Variants in MYOF observed in about 807,000 individuals in gnomAD.
MYOF encodes myoferlin.
A neutral mutation model predicts 284.2 loss-of-function variants in MYOF; 244 were observed. The observed-to-expected ratio is 0.86, with a 90% CI of 0.77 to 0.95. The LOEUF is 0.95. Ranked by LOEUF, MYOF falls within the 40% of genes least tolerant of loss-of-function variation. MYOF has a pLI of 0.00. For missense variants in MYOF, 2,496 were observed against 2,560.6 expected, an observed-to-expected ratio of 0.97 and a Z score of 0.54; for synonymous variants, 904 against 919.7, an observed-to-expected ratio of 0.98 and a Z score of 0.31.
chr10:93,333,524 G>GC lies in MYOF; in HGVS notation c.4720-213_4720-212insG, dbSNP rs1843440290. The stretch of plus-strand genomic sequence containing the variant: ...GCAGGGGTGGTGGCAGGGGGCGGGG[G>GC]GGAGTCCTGGCTCACACCTGTAAAA... On this transcript the variant is annotated intron_variant, in intron 42 of 53. Coordinates refer to ENST00000359263, the MANE Select transcript of MYOF (RefSeq NM_013451.4). 2.6e-5 allele frequency among the ~76,000 whole-genome samples: 4 copies of GC among 152,014 alleles called. No homozygotes were observed. The South Asian group carries it at 6.2e-4, about 24-fold the overall frequency.
At chr10:93,332,509 C>T (rs1341016072) in intron 43 of MYOF, among the ~76,000 whole-genome samples, 1 of 151,262 alleles carries the variant, frequency 6.6e-6, no homozygotes, top group Non-Finnish European at 1.5e-5. Flanking sequence ...TGTGAGCCAT[C>T]GTGCCTGGCC....
chr10:93,381,537 T>C, intron 19 of MYOF, 141 bp from the exon 20 acceptor site: 1 of 816,932 alleles, frequency 1.2e-6, no homozygotes, highest in Non-Finnish European at 1.9e-6. Flanking sequence ...GACCCAGCTG[T>C]TCCTCTTGCA....
chr10:93,347,640 T>G lies in MYOF; in HGVS notation c.4226A>C (p.Glu1409Ala). ...ACCTTTGAGCTGTGGGACGATGTCC[T>G]CTTTCCCTGCATAAGGGTCACAGCG... ...RFRCDPYAGKEDIVPQLKASL... is the reference protein window; with the variant it reads ...RFRCDPYAGKADIVPQLKASL... Residue 1409 changes from glutamate to alanine, a missense_variant, in exon 37 of 54, where the codon GAG becomes GCG. By Grantham distance (107) the Glu-to-Ala change is moderately radical. Coordinates refer to ENST00000359263, the MANE Select transcript of MYOF (RefSeq NM_013451.4). The G allele has an allele frequency of 2.5e-6, 4 of 1,610,906 alleles. No homozygotes were observed. Among genetic ancestry groups the G allele is most frequent in the Non-Finnish European group, 3.4e-6 (4 of 1,178,518 alleles).
At chr10:93,338,886 C>G (rs1032406454) in intron 39 of MYOF, among the ~76,000 whole-genome samples, 2 of 151,784 alleles carry the variant, frequency 1.3e-5, no homozygotes, top group Non-Finnish European at 2.9e-5. Context: ...ATCAGACCCC[C>G]TCTTTGCTTA....
chr10:93,327,771 T>G (rs942037388), intron 45 of MYOF, among the ~76,000 whole-genome samples: 1 of 152,058 alleles, frequency 6.6e-6, no homozygotes, highest in African/African-American at 2.4e-5. Context: ...GTTTGTTTGT[T>G]TTTTGAGACA....
intron 43 of MYOF, among the ~76,000 whole-genome samples, chr10:93,330,230 G>A (rs1395225656): frequency 4.3e-4 from 66 of 151,996 alleles, no homozygotes; most frequent in Non-Finnish European, 5.9e-5. Flanking sequence ...TGACATGAGT[G>A]CATCGCTCCA....
In MYOF at chr10:93,351,686, T is replaced by C. The variant is rs1844522505; in HGVS notation, c.3642A>G (p.Glu1214=). The C allele has an allele frequency of 6.3e-7, 1 of 1,586,324 alleles. No homozygotes were observed. Among genetic ancestry groups the C allele is most frequent in the East Asian group, 2.2e-5 (1 of 44,654 alleles). Reference sequence around the variant, plus strand: ...CTACCACTTGGTCATTGTCAAAAAGTTCCATGATAACTTTGGGTGGATTCT... The same window carrying C: ...CTACCACTTGGTCATTGTCAAAAAGCTCCATGATAACTTTGGGTGGATTCT... The part of the protein sequence containing the change: ...VLQNPPKVIM[E]LFDNDQVGKD... The change falls in exon 33 of 54, where the codon GAA becomes GAG. Residue 1214 remains glutamate, a synonymous_variant. Transcript: ENST00000359263.
intron 3 of MYOF, among the ~76,000 whole-genome samples, chr10:93,438,045 C>T (rs1170168166): frequency 1.3e-5 from 2 of 152,186 alleles, no homozygotes; most frequent in Non-Finnish European, 2.9e-5. Context: ...CAACCCCCAT[C>T]CGTGAGATCT....
chr10:93,431,103 A>G (rs1323564368), intron 4 of MYOF, among the ~76,000 whole-genome samples: 1 of 143,526 alleles, frequency 7.0e-6, no homozygotes, highest in Non-Finnish European at 1.5e-5. Context: ...ATCTCGGCTC[A>G]CTACAACCTC....
intron 17 of MYOF, among the ~76,000 whole-genome samples, chr10:93,391,891 C>G (rs1221996229): frequency 6.6e-6 from 1 of 152,156 alleles, no homozygotes; most frequent in African/African-American, 2.4e-5. Flanking sequence ...GTTTTAGTTT[C>G]TAGAATCCTA....
At chr10:93,442,562 C>T (rs550939360) in intron 3 of MYOF, among the ~76,000 whole-genome samples, 171 of 152,250 alleles carry the variant, frequency 1.1e-3, no homozygotes, top group African/African-American at 4.0e-3. Flanking sequence ...TTTGTTATCT[C>T]CTTCCTACAA....
At chr10:93,371,733 C>CG (rs1554848282) in intron 24 of MYOF, among the ~76,000 whole-genome samples, 1 of 132,682 alleles carries the variant, frequency 7.5e-6, no homozygotes, top group Non-Finnish European at 1.6e-5. Flanking sequence ...GGCCTTCAAC[C>CG]TTTTTTTTTA....
intron 24 of MYOF, among the ~76,000 whole-genome samples, chr10:93,372,193 A>G (rs572335098): frequency 6.6e-6 from 1 of 152,172 alleles, no homozygotes; most frequent in Non-Finnish European, 1.5e-5. Flanking sequence ...AAAGAACTCC[A>G]GTTGGGGTTG....
rs187839997 is a variant in MYOF at position 93,434,262 on chromosome 10, C to A, written c.237-2746G>T. Among the ~76,000 whole-genome samples, 198 of 152,062 alleles carry A rather than the reference C, an allele frequency of 1.3e-3. 1 individual carries two copies. The highest frequency in any genetic ancestry group is 2.3e-3 in the Non-Finnish European group (159 of 67,992). On this transcript the variant is annotated intron_variant, in intron 3 of 53. Coordinates refer to ENST00000359263, the MANE Select transcript of MYOF (RefSeq NM_013451.4). ...CCTGGCCAACATGGTGAAACCCCGT[C>A]TCTACTACAAATACAACAAATTAGC...
chr10:93,406,570 C>CTG (rs60703429), intron 7 of MYOF, among the ~76,000 whole-genome samples: 5 of 150,226 alleles, frequency 3.3e-5, no homozygotes. Flanking sequence ...TCCTCCCCAC[C>CTG]CATCCAGTCT....
At chr10:93,472,138 G>A (rs2057161790) in intron 1 of MYOF, among the ~76,000 whole-genome samples, 1 of 152,200 alleles carries the variant, frequency 6.6e-6, no homozygotes, top group South Asian at 2.1e-4. Context: ...GACGAGGCCT[G>A]CACTGCAGCA....
intron 44 of MYOF, among the ~76,000 whole-genome samples, 194 bp downstream of exon 44, chr10:93,329,470 C>T (rs1295548386): frequency 6.6e-6 from 1 of 152,228 alleles, no homozygotes; most frequent in Non-Finnish European, 1.5e-5. Context: ...CACCATTTTA[C>T]ACACACTGTG....
Position 93,389,108 on chromosome 10 carries a change from A to C in MYOF, c.1503T>G (p.Pro501=). 6.2e-7 allele frequency: 1 copy of C among 1,614,178 alleles called. No homozygotes were observed. The highest frequency in any genetic ancestry group is 8.5e-7 in the Non-Finnish European group (1 of 1,180,002). Residue 501 remains proline, a synonymous_variant, in exon 18 of 54, where the codon CCT becomes CCG. Coordinates refer to ENST00000359263, the MANE Select transcript of MYOF (RefSeq NM_013451.4). Reference sequence around the variant, plus strand: ...GGCTTCCATAAAGATTCAGGTAACAAGGTCCAAACGTTGGAACAAAGCCTA... The same window carrying C: ...GGCTTCCATAAAGATTCAGGTAACACGGTCCAAACGTTGGAACAAAGCCTA... The part of the protein sequence containing the change: ...TEVGFVPTFG[P]CYLNLYGSPR...
At chr10:93,399,292 G>A in intron 13 of MYOF, 100 bp downstream of exon 13, 2 of 867,184 alleles carry the variant, frequency 2.3e-6, no homozygotes, top group South Asian at 3.4e-5. Flanking sequence ...TCATCAGGGG[G>A]CTATTTTAAC....
Sources: allele counts gnomAD v4.1 joint callset (sites outside exome capture counted in the v4.1 genomes callset), GRCh38; gene constraint gnomAD v4.1.1; transcripts MANE v1.5; gene names NCBI Gene and HGNC (gene_info 2026-07-23, HGNC 2026-07-21).